CSMD1: variants seen among roughly 807,000 people sequenced by gnomAD.
CSMD1 encodes the protein CUB and sushi domain-containing protein 1.
A neutral mutation model predicts 417.5 loss-of-function variants in CSMD1; 213 were observed. The ratio of observed to expected loss-of-function variants is 0.51; its 90% CI spans 0.46 to 0.57. CSMD1 has a LOEUF of 0.57. Ranked by LOEUF, CSMD1 falls within the 20% of genes least tolerant of loss-of-function variation. The pLI, the probability that CSMD1 is intolerant of heterozygous loss-of-function variation, is 0.00. For synonymous variants in CSMD1, 2,862 were observed against 1,736.8 expected (o/e 1.65, Z -16.11); for missense variants, 6,923 against 4,529.7 (o/e 1.53, Z -15.17).
At chr8:4,938,840 A>G (rs954616997) in intron 1 of CSMD1, among the ~76,000 whole-genome samples, 3 of 152,198 alleles carry the variant, frequency 2.0e-5, no homozygotes, top group Non-Finnish European at 4.4e-5. Context: ...TTATTGAAAC[A>G]GGTGTAACGT....
At chr8:3,811,972 G>A (rs1045332474) in intron 5 of CSMD1, among the ~76,000 whole-genome samples, 2 of 151,924 alleles carry the variant, frequency 1.3e-5, no homozygotes. Flanking sequence ...TTGCTTCAGT[G>A]TTTTTCTGAG....
At chr8:4,724,205 C>A (rs1249714909) in intron 1 of CSMD1, among the ~76,000 whole-genome samples, 1 of 151,988 alleles carries the variant, frequency 6.6e-6, no homozygotes, top group Non-Finnish European at 1.5e-5. Flanking sequence ...TAATTATAGT[C>A]TCAAAACAAA....
intron 1 of CSMD1, among the ~76,000 whole-genome samples, chr8:4,671,044 C>G (rs1456067440): frequency 6.6e-6 from 1 of 152,176 alleles, no homozygotes; most frequent in Non-Finnish European, 1.5e-5. Context: ...TAATAATTCT[C>G]AACACAGTCA....
At chr8:2,977,692 C>A (rs538317189) in intron 55 of CSMD1, among the ~76,000 whole-genome samples, 1 of 152,130 alleles carries the variant, frequency 6.6e-6, no homozygotes, top group South Asian at 2.1e-4. Flanking sequence ...TGACAAAGGT[C>A]TAATATCCAG....
intron 1 of CSMD1, among the ~76,000 whole-genome samples, chr8:4,738,483 G>A (rs1201377084): frequency 6.6e-6 from 1 of 152,040 alleles, no homozygotes; most frequent in Admixed American, 6.6e-5. Flanking sequence ...GCTATCAGGA[G>A]AACAGGATGG....
chr8:4,003,939 A>G (rs906717534), intron 4 of CSMD1, among the ~76,000 whole-genome samples: 1 of 128,874 alleles, frequency 7.8e-6, no homozygotes, highest in African/African-American at 2.8e-5. Flanking sequence ...TTTTTAGAAA[A>G]CAGAACAAAA....
intron 10 of CSMD1, among the ~76,000 whole-genome samples, chr8:3,507,857 GT>G (rs1214504283): frequency 1.3e-5 from 2 of 151,664 alleles, no homozygotes; most frequent in Admixed American, 6.6e-5. Flanking sequence ...GGGGTTGTTT[GT>G]TTTTTTTCTT....
At chr8:3,943,477 G>A (rs985814344) in intron 5 of CSMD1, among the ~76,000 whole-genome samples, 1 of 146,128 alleles carries the variant, frequency 6.8e-6, no homozygotes, top group South Asian at 2.1e-4. Flanking sequence ...TGATCAGTCA[G>A]TGGGTGCTGA....
chr8:3,480,949 G>A (rs745580835), intron 11 of CSMD1, among the ~76,000 whole-genome samples: 1 of 151,954 alleles, frequency 6.6e-6, no homozygotes, highest in Admixed American at 6.6e-5. Flanking sequence ...AAGGTCAGGA[G>A]ATCGAGACTA....
At chr8:4,381,342 A>T (rs1023678808) in intron 3 of CSMD1, among the ~76,000 whole-genome samples, 1 of 152,152 alleles carries the variant, frequency 6.6e-6, no homozygotes, top group South Asian at 2.1e-4. Flanking sequence ...AACACAATGG[A>T]TGAGGCATCT....
At chr8:3,748,436 A>G (rs540623881) in intron 6 of CSMD1, among the ~76,000 whole-genome samples, 222 of 152,312 alleles carry the variant, frequency 1.5e-3, no homozygotes, top group African/African-American at 5.1e-3. Flanking sequence ...GGAGGTTTCT[A>G]GACACTCTGC....
At position 3,533,048 on chromosome 8, in the gene CSMD1, T is replaced by C. The variant is rs149771729; in HGVS notation, c.1345-39322A>G. 4.4e-3 allele frequency among the ~76,000 whole-genome samples: 676 copies of C among 152,322 alleles called. 3 individuals carry two copies. The highest frequency in any genetic ancestry group is 0.016 in the African/African-American group (653 of 41,576). On this transcript the variant is annotated intron_variant, in intron 10 of 69. Transcript: ENST00000635120. ...GTTTTAAGGGCAAAGATGTCTAAAATACTTTGAGATAAACAGCTCGTAATT... is the reference window on the plus strand; with the variant it reads ...GTTTTAAGGGCAAAGATGTCTAAAACACTTTGAGATAAACAGCTCGTAATT...
intron 26 of CSMD1, among the ~76,000 whole-genome samples, chr8:3,266,781 A>C (rs1213329644): frequency 1.9e-5 from 2 of 104,208 alleles, no homozygotes; most frequent in African/African-American, 7.8e-5. Flanking sequence ...TCTTAAAAAA[A>C]ATCAAAAAAA....
chr8:3,361,651 CAAAAAA>C (rs765648287), intron 20 of CSMD1, among the ~76,000 whole-genome samples: 2 of 79,212 alleles, frequency 2.5e-5, no homozygotes, highest in South Asian at 5.8e-4. Context: ...GATTCCATCT[CAAAAAA>C]AAAAAAAAAA....
intron 12 of CSMD1, among the ~76,000 whole-genome samples, chr8:3,430,643 C>G (rs1193457946): frequency 6.6e-6 from 1 of 152,092 alleles, no homozygotes; most frequent in Non-Finnish European, 1.5e-5. Flanking sequence ...CACATCTCCA[C>G]TAAAAATACA....
intron 5 of CSMD1, among the ~76,000 whole-genome samples, chr8:3,979,792 G>A (rs1813718796): frequency 6.6e-6 from 1 of 152,130 alleles, no homozygotes; most frequent in African/African-American, 2.4e-5. Flanking sequence ...CACCGTCTGT[G>A]GTATCTTGTT....
intron 3 of CSMD1, among the ~76,000 whole-genome samples, chr8:4,222,642 A>C (rs1404716078): frequency 1.3e-5 from 2 of 152,222 alleles, no homozygotes; most frequent in Non-Finnish European, 2.9e-5. Context: ...TAAATTTCTG[A>C]ATCAATGTGA....
intron 11 of CSMD1, among the ~76,000 whole-genome samples, chr8:3,485,241 T>A (rs144015244): frequency 2.0e-5 from 3 of 152,152 alleles, no homozygotes; most frequent in Non-Finnish European, 4.4e-5. Context: ...GAGGAAACGA[T>A]TGCAGTACAC....
intron 37 of CSMD1, among the ~76,000 whole-genome samples, chr8:3,176,171 A>C (rs1276654251): frequency 6.6e-6 from 1 of 152,212 alleles, no homozygotes; most frequent in Non-Finnish European, 1.5e-5. Flanking sequence ...AAAGTGAAAA[A>C]TATGATTATT....
Sources: gnomAD v4.1 joint callset for allele counts (sites outside exome capture counted in the v4.1 genomes callset) on GRCh38, gnomAD v4.1.1 for gene constraint, MANE v1.5 for transcripts, NCBI Gene and HGNC (gene_info 2026-07-23, HGNC 2026-07-21) for gene names.